NDUFAF3: variants seen among roughly 807,000 people sequenced by gnomAD.
The protein encoded by NDUFAF3 is NADH dehydrogenase [ubiquinone] 1 alpha subcomplex assembly factor 3.
In NDUFAF3, 21 loss-of-function variants were observed where a neutral mutation model predicts 22.6. The observed-to-expected ratio is 0.93, with a 90% CI of 0.66 to 1.34. The LOEUF (loss-of-function observed/expected upper bound fraction) is 1.34, where lower values mean the gene tolerates loss of function less well. Ranked by LOEUF, NDUFAF3 falls within the 40% of genes most tolerant of loss-of-function variation. NDUFAF3 has a pLI of 0.00. For synonymous variants in NDUFAF3, 113 were observed against 104.9 expected (o/e 1.08, Z -0.47); for missense variants, 251 against 248.4 (o/e 1.01, Z -0.07).
upstream of NDUFAF3, chr3:49,021,650 G>A (rs552053304): frequency 1.2e-5 from 2 of 169,584 alleles, no homozygotes; most frequent in East Asian, 3.7e-4. This position sits in a 1 kb window ranked among gnomAD's most constrained non-coding sequence, Gnocchi z 4.1. Flanking sequence ...CGGTTAGGGC[G>A]GGGCGTGCTT....
upstream of NDUFAF3, chr3:49,021,914 G>A: frequency 1.7e-6 from 1 of 588,182 alleles, no homozygotes; most frequent in Non-Finnish European, 3.0e-6. This position sits in a 1 kb window ranked among gnomAD's most constrained non-coding sequence, Gnocchi z 4.1. Context: ...CGGGACTATG[G>A]GCAAGGGCCC....
chr3:49,022,825 A>G lies in NDUFAF3; in HGVS notation c.338-51A>G, dbSNP rs1203269011. ...TTCTGGGCCCCAGAAGGCGACCCCC[A>G]CTGCAGCCTCTCAACAGAACTGTAG... On this transcript the variant is annotated intron_variant, in intron 3 of 4. Coordinates refer to ENST00000326925, the MANE Select transcript of NDUFAF3 (RefSeq NM_199069.2). This position sits in a 1 kb window ranked among gnomAD's most constrained non-coding sequence, Gnocchi z 6.6. 8.7e-6 allele frequency: 14 copies of G among 1,612,948 alleles called. No homozygotes were observed. The highest frequency in any genetic ancestry group is 1.2e-5 in the Non-Finnish European group (14 of 1,179,510).
In NDUFAF3 at chr3:49,023,098, C is replaced by T. The variant is rs776798677; in HGVS notation, c.481C>T (p.Arg161Ter). The change falls in exon 5 of 5, where the codon CGA becomes TGA. Residue 161 changes from arginine to a stop codon, truncating the protein, a stop_gained. Transcript: ENST00000326925. LOFTEE classifies it high-confidence loss of function. ...ATFNFLCHEG[R>*]VTGAALIPPP... ...CTTCAACTTCCTGTGTCATGAAGGCCGAGTAACTGGAGCTGCTCTCATCCC... is the reference window on the plus strand; with the variant it reads ...CTTCAACTTCCTGTGTCATGAAGGCTGAGTAACTGGAGCTGCTCTCATCCC... 3 of 1,614,102 alleles carry T rather than the reference C, an allele frequency of 1.9e-6. No homozygotes were observed. In the South Asian group the frequency reaches 3.3e-5, roughly 18 times the overall value.
At position 49,022,910 on chromosome 3, in the gene NDUFAF3, G is replaced by T; in HGVS notation, c.372G>T (p.Glu124Asp). The change falls in exon 4 of 5, where the codon GAG becomes GAT. Residue 124 changes from glutamate (E) to aspartate (D), a missense_variant. Glu to Asp is a conservative substitution (Grantham distance 45, BLOSUM62 2). Transcript: ENST00000326925. This position sits in a 1 kb window ranked among gnomAD's most constrained non-coding sequence, Gnocchi z 6.6. The stretch of plus-strand genomic sequence containing the variant: ...TGGTGGGGACTGGAGACCGGACCGA[G>T]AGGCTGCAGTCCCAGGTGCTTCAAG... ...IVVVGTGDRTERLQSQVLQAM... is the reference protein window; with the variant it reads ...IVVVGTGDRTDRLQSQVLQAM... 6.2e-7 allele frequency: 1 copy of T among 1,614,066 alleles called. No homozygotes were observed. The highest frequency in any genetic ancestry group is 8.5e-7 in the Non-Finnish European group (1 of 1,180,034).
Position 49,022,157 on chromosome 3 carries a change from C to G in NDUFAF3, c.13C>G (p.Leu5Val). The change falls in exon 1 of 5, where the codon CTC (leucine) becomes GTC (valine). Residue 5 changes from leucine to valine, a missense_variant. Coordinates refer to ENST00000326925, the MANE Select transcript of NDUFAF3 (RefSeq NM_199069.2). This position sits in a 1 kb window ranked among gnomAD's most constrained non-coding sequence, Gnocchi z 6.6. MATA[L>V]ALRSLYRARP... ...GCGTTGGTCAGCCATGGCCACCGCT[C>G]TCGCGCTACGTAGCTTGTACCGAGC... is the stretch of plus-strand genomic sequence containing the variant. The G allele has an allele frequency of 6.2e-7, 1 of 1,609,614 alleles. No homozygotes were observed. Among genetic ancestry groups the G allele is most frequent in the East Asian group, 2.2e-5 (1 of 44,842 alleles).
At position 49,023,267 on chromosome 3, in the gene NDUFAF3, A is replaced by C; in HGVS notation, c.*95A>C. The C allele has an allele frequency of 1.0e-6, 1 of 975,178 alleles. No homozygotes were observed. Among genetic ancestry groups the C allele is most frequent in the East Asian group, 2.4e-5 (1 of 41,992 alleles). 60.4% of individuals were successfully genotyped at this position (975,178 alleles called of 1,614,324 possible). ...TGGCACTTATCTTGCTTATCAACAT[A>C]ATAATTTATACACTTCTCCCATTTT... On this transcript the variant is annotated 3_prime_UTR_variant, in exon 5 of 5. Transcript: ENST00000326925.
chr3:49,022,418 G>T lies in NDUFAF3; in HGVS notation c.150G>T (p.Leu50=). Residue 50 remains leucine (L), a synonymous_variant, in exon 2 of 5, where the codon CTG becomes CTT. Transcript: ENST00000326925. This position sits in a 1 kb window ranked among gnomAD's most constrained non-coding sequence, Gnocchi z 6.6. The part of the protein sequence containing the change: ...ELYQRTRISL[L]QREAAQAMYI... ...ATCAGCGGACGCGCATCTCTCTGCT[G>T]CAACGCGAGGCCGCTCAGGCAATGT... 1 of 1,612,976 alleles carries T rather than the reference G, an allele frequency of 6.2e-7. No individual in the cohort carries two copies. The highest frequency in any genetic ancestry group is 2.2e-5 in the East Asian group (1 of 44,864).
upstream of NDUFAF3, chr3:49,020,775 C>A: frequency 2.4e-6 from 1 of 419,200 alleles, no homozygotes. Flanking sequence ...AGAACCCGCC[C>A]ATCCCCAGTC....
At chr3:49,021,987 C>G (rs761731233), upstream of NDUFAF3, 3 of 762,966 alleles carry the variant, frequency 3.9e-6, no homozygotes, top group Non-Finnish European at 6.5e-6. The surrounding 1 kb of genome is among the most constrained non-coding windows in gnomAD (Gnocchi z 4.1). Context: ...AACTCGGCCT[C>G]CTAAGACTGA....
In NDUFAF3 at chr3:49,023,417, G is replaced by T. The variant is rs1353752462; in HGVS notation, c.*245G>T. The T allele has an allele frequency of 3.6e-6, 2 of 557,946 alleles. No homozygotes were observed. Among genetic ancestry groups the T allele is most frequent in the Non-Finnish European group, 6.5e-6 (2 of 308,578 alleles). The allele number at this position is 557,946 out of a possible 1,614,324, so 34.6% of individuals were successfully genotyped here. On this transcript the variant is annotated 3_prime_UTR_variant, in exon 5 of 5. Transcript: ENST00000326925. The stretch of plus-strand genomic sequence containing the variant: ...GATTCCTTGACTTTTCAGAAGTCGG[G>T]AAGCAGTATGTTTGCCTGTTGTAGA...
chr3:49,021,937 G>T (rs936312841), upstream of NDUFAF3: 12 of 601,026 alleles, frequency 2.0e-5, no homozygotes, highest in South Asian at 2.1e-4. The surrounding 1 kb of genome is among the most constrained non-coding windows in gnomAD (Gnocchi z 4.1). Flanking sequence ...GGCGGGGAGG[G>T]CGGCAGGTGC....
In NDUFAF3 at chr3:49,023,056, C is replaced by G; in HGVS notation, c.439C>G (p.Pro147Ala). 1 of 1,614,108 alleles carries G rather than the reference C, an allele frequency of 6.2e-7. No homozygotes were observed. Among genetic ancestry groups the G allele is most frequent in the Non-Finnish European group, 8.5e-7 (1 of 1,179,964 alleles). Residue 147 changes from proline (P) to alanine (A), a missense_variant and splice_region_variant, in exon 5 of 5, where the codon CCC becomes GCC. By Grantham distance (27) the Pro-to-Ala change is conservative. Transcript: ENST00000326925. ...RGIAVEVQDT[P>A]NACATFNFLC... ...GCTGATGCTGGCCTTTTCTTTGCAG[C>G]CCAATGCCTGTGCCACCTTCAACTT...
At position 49,023,440 on chromosome 3, in the gene NDUFAF3, A is replaced by C; in HGVS notation, c.*268A>C. 2 of 509,244 alleles carry C rather than the reference A, an allele frequency of 3.9e-6. No homozygotes were observed. 31.5% of individuals were successfully genotyped at this position (509,244 alleles called of 1,614,324 possible). A position where few individuals can be genotyped will look rare whatever the true frequency, so the allele number is the denominator to read the frequency against. ...GGGAAGCAGTATGTTTGCCTGTTGTAGACCTACTTGCTCACATGCAGATTT... is the reference window on the plus strand; with the variant it reads ...GGGAAGCAGTATGTTTGCCTGTTGTCGACCTACTTGCTCACATGCAGATTT... On this transcript the variant is annotated 3_prime_UTR_variant, in exon 5 of 5. Transcript: ENST00000326925.
upstream of NDUFAF3, chr3:49,020,735 C>G (rs761085876): frequency 3.0e-5 from 14 of 467,362 alleles, no homozygotes; most frequent in African/African-American, 2.4e-4. Context: ...GGAGCTCCTG[C>G]CCCCAGGTCA....
In NDUFAF3 at chr3:49,022,952, C is replaced by T; in HGVS notation, c.414C>T (p.Gly138=). The change falls in exon 4 of 5, where the codon GGC becomes GGT. Residue 138 remains glycine (G), a synonymous_variant. Coordinates refer to ENST00000326925, the MANE Select transcript of NDUFAF3 (RefSeq NM_199069.2). The surrounding 1 kb of genome is among the most constrained non-coding windows in gnomAD (Gnocchi z 6.6). ...TGCTTCAAGCCATGAGGCAGCGGGG[C>T]ATTGCTGTGGAAGTGCAGGACACGG... ...SQVLQAMRQR[G]IAVEVQDTPN... 6.2e-7 allele frequency: 1 copy of T among 1,614,090 alleles called. No homozygotes were observed. The highest frequency in any genetic ancestry group is 1.6e-4 in the Middle Eastern group (1 of 6,062).
At position 49,022,826 on chromosome 3, in the gene NDUFAF3, C is replaced by G; in HGVS notation, c.338-50C>G. 6.2e-7 allele frequency: 1 copy of G among 1,613,368 alleles called. No homozygotes were observed. Among genetic ancestry groups the G allele is most frequent in the East Asian group, 2.2e-5 (1 of 44,876 alleles). On this transcript the variant is annotated intron_variant, in intron 3 of 4. Coordinates refer to ENST00000326925, the MANE Select transcript of NDUFAF3 (RefSeq NM_199069.2). The surrounding 1 kb of genome is among the most constrained non-coding windows in gnomAD (Gnocchi z 6.6). ...TCTGGGCCCCAGAAGGCGACCCCCA[C>G]TGCAGCCTCTCAACAGAACTGTAGA...
Position 49,022,904 on chromosome 3 carries a change from G to T in NDUFAF3, c.366G>T (p.Arg122=). ...IEIVVVGTGD[R]TERLQSQVLQ... ...TCGTGGTGGTGGGGACTGGAGACCG[G>T]ACCGAGAGGCTGCAGTCCCAGGTGC... Residue 122 remains arginine, a synonymous_variant, in exon 4 of 5, where the codon CGG becomes CGT. Coordinates refer to ENST00000326925, the MANE Select transcript of NDUFAF3 (RefSeq NM_199069.2). The surrounding 1 kb of genome is among the most constrained non-coding windows in gnomAD (Gnocchi z 6.6). 1 of 1,614,026 alleles carries T rather than the reference G, an allele frequency of 6.2e-7. No homozygotes were observed. The highest frequency in any genetic ancestry group is 1.1e-5 in the South Asian group (1 of 91,072).
chr3:49,021,871 AG>A, upstream of NDUFAF3: 1 of 538,052 alleles, frequency 1.9e-6, no homozygotes, highest in Non-Finnish European at 3.3e-6. This position sits in a 1 kb window ranked among gnomAD's most constrained non-coding sequence, Gnocchi z 4.1. Context: ...CAACGCCCTG[AG>A]GGTGGCCACG....
In NDUFAF3 at chr3:49,022,942, G is replaced by A. The variant is rs780877500; in HGVS notation, c.404G>A (p.Arg135Lys). Residue 135 changes from arginine (R) to lysine (K), a missense_variant, in exon 4 of 5, where the codon AGG becomes AAG. Arg to Lys is a conservative substitution (Grantham distance 26, BLOSUM62 2). Coordinates refer to ENST00000326925, the MANE Select transcript of NDUFAF3 (RefSeq NM_199069.2). The surrounding 1 kb of genome is among the most constrained non-coding windows in gnomAD (Gnocchi z 6.6). The part of the protein sequence containing the change: ...RLQSQVLQAM[R>K]QRGIAVEVQD... The stretch of plus-strand genomic sequence containing the variant: ...CAGTCCCAGGTGCTTCAAGCCATGA[G>A]GCAGCGGGGCATTGCTGTGGAAGTG... 44 of 1,614,018 alleles carry A rather than the reference G, an allele frequency of 2.7e-5. No individual in the cohort carries two copies. Among genetic ancestry groups the A allele is most frequent in the Non-Finnish European group, 3.2e-5 (38 of 1,180,050 alleles).
Sources: gnomAD v4.1 joint callset for allele counts on GRCh38, gnomAD v4.1.1 for gene constraint, Gnocchi (gnomAD v3.1) non-coding constraint, MANE v1.5 for transcripts, NCBI Gene and HGNC (gene_info 2026-07-23, HGNC 2026-07-21) for gene names.